Variants in ROCK2 observed in about 807,000 individuals in gnomAD.
The protein encoded by ROCK2 is rho-associated protein kinase 2.
Under a neutral mutation model 195.1 loss-of-function variants are expected in ROCK2, and 61 were observed. That is an observed-to-expected ratio of 0.31 (90% confidence interval 0.25 to 0.39). The LOEUF is 0.39. ROCK2 is among the 10% of genes least tolerant of loss of function. The pLI is 1.00. For missense variants in ROCK2, 1,109 were observed against 1,637.4 expected, an observed-to-expected ratio of 0.68 and a Z score of 5.57; for synonymous variants, 504 against 545.5, an observed-to-expected ratio of 0.92 and a Z score of 1.06.
intron 1 of ROCK2, among the ~76,000 whole-genome samples, chr2:11,290,443 AAAATGAT>A (rs1667326596): frequency 6.6e-6 from 1 of 152,136 alleles, no homozygotes; most frequent in African/African-American, 2.4e-5. Context: ...ATTTTTTTTA[AAAATGAT>A]ACTAAAACTG....
At chr2:11,287,843 C>A (rs534930943) in intron 1 of ROCK2, 107 bp from the exon 2 acceptor site, 21 of 411,382 alleles carry the variant, frequency 5.1e-5, no homozygotes, top group East Asian at 4.2e-4. Flanking sequence ...AAAATGCCAA[C>A]CCACTTTGAT....
chr2:11,306,863 C>T (rs1033944162), intron 1 of ROCK2, among the ~76,000 whole-genome samples: 1 of 152,126 alleles, frequency 6.6e-6, no homozygotes, highest in Non-Finnish European at 1.5e-5. Flanking sequence ...GTGGGAAATA[C>T]AGTATAAACA....
chr2:11,332,376 T>C (rs1297363932), intron 1 of ROCK2, among the ~76,000 whole-genome samples: 2 of 152,162 alleles, frequency 1.3e-5, no homozygotes, highest in Non-Finnish European at 1.5e-5. Flanking sequence ...TGGCCTGTGG[T>C]ATACAAAATA....
At chr2:11,209,764 C>G (rs994107234) in intron 18 of ROCK2, among the ~76,000 whole-genome samples, 2 of 152,112 alleles carry the variant, frequency 1.3e-5, no homozygotes, top group Admixed American at 6.5e-5. Context: ...TAATTATCAT[C>G]TATTATAAAG....
intron 3 of ROCK2, among the ~76,000 whole-genome samples, chr2:11,281,260 C>T (rs1013941812): frequency 6.9e-6 from 1 of 144,364 alleles, no homozygotes; most frequent in African/African-American, 2.6e-5. Context: ...AGAGGAACTT[C>T]AACTTGAATA....
intron 27 of ROCK2, among the ~76,000 whole-genome samples, chr2:11,196,026 T>C (rs1254923050): frequency 6.6e-6 from 1 of 152,208 alleles, no homozygotes; most frequent in African/African-American, 2.4e-5. Context: ...ATAGTAAAAG[T>C]AGCTATCACT....
intron 4 of ROCK2, among the ~76,000 whole-genome samples, chr2:11,249,100 G>C (rs1665736101): frequency 6.6e-6 from 1 of 152,062 alleles, no homozygotes. Flanking sequence ...GTTTCATTGT[G>C]TTAGCCACGA....
intron 3 of ROCK2, among the ~76,000 whole-genome samples, chr2:11,269,434 C>T (rs1034007066): frequency 2.0e-5 from 3 of 151,662 alleles, no homozygotes; most frequent in African/African-American, 7.3e-5. Context: ...CTCTCTTGAA[C>T]CGGGAGGTGG....
intron 4 of ROCK2, among the ~76,000 whole-genome samples, chr2:11,244,931 A>C (rs565271747): frequency 1.3e-5 from 2 of 152,238 alleles, no homozygotes; most frequent in Non-Finnish European, 2.9e-5. Flanking sequence ...CGTAATAAGA[A>C]AACCAAGAGC....
At chr2:11,231,346 T>C (rs745336027) in intron 5 of ROCK2, among the ~76,000 whole-genome samples, 1 of 152,058 alleles carries the variant, frequency 6.6e-6, no homozygotes, top group Non-Finnish European at 1.5e-5. Flanking sequence ...TAGGTGGGAC[T>C]ATAGGCCCGC....
intron 3 of ROCK2, among the ~76,000 whole-genome samples, chr2:11,257,944 AT>A (rs1450901487): frequency 2.0e-5 from 3 of 151,420 alleles, no homozygotes; most frequent in African/African-American, 7.4e-5. Flanking sequence ...TGGTACATTT[AT>A]TTATCATAAT....
At chr2:11,225,084 A>T (rs74997520) in intron 6 of ROCK2, among the ~76,000 whole-genome samples, 115 of 152,314 alleles carry the variant, frequency 7.6e-4, no homozygotes, top group African/African-American at 2.7e-3. Context: ...CATAAGAGGA[A>T]GTCAGGCCCA....
chr2:11,219,706 C>A (rs1664562474), intron 9 of ROCK2, among the ~76,000 whole-genome samples: 1 of 151,878 alleles, frequency 6.6e-6, no homozygotes, highest in Non-Finnish European at 1.5e-5. Context: ...ACAATCATAG[C>A]TCCCTGCAGC....
intron 1 of ROCK2, among the ~76,000 whole-genome samples, chr2:11,290,811 C>T (rs550327229): frequency 6.6e-6 from 1 of 152,244 alleles, no homozygotes; most frequent in East Asian, 1.9e-4. Flanking sequence ...ATCCCCACTC[C>T]TAAAATAAGA....
chr2:11,307,918 C>T (rs555784380), intron 1 of ROCK2: 46 of 1,340,882 alleles, frequency 3.4e-5, no homozygotes, highest in African/African-American at 1.2e-4. Flanking sequence ...GTGGCCGTAG[C>T]GGTCCTCCTG....
chr2:11,228,764 C>T, intron 5 of ROCK2, among the ~76,000 whole-genome samples: 1 of 152,014 alleles, frequency 6.6e-6, no homozygotes, highest in African/African-American at 2.4e-5. Flanking sequence ...TTACTGGAGA[C>T]ACACACACAG....
At chr2:11,286,754 C>T in intron 2 of ROCK2, 115 bp from the exon 3 acceptor site, 1 of 608,578 alleles carries the variant, frequency 1.6e-6, no homozygotes, top group Non-Finnish European at 2.7e-6. Flanking sequence ...CTAAACTTGC[C>T]AGTTTTTAAA....
chr2:11,300,843 C>A (rs1667679622), intron 1 of ROCK2, among the ~76,000 whole-genome samples: 1 of 151,880 alleles, frequency 6.6e-6, no homozygotes, highest in Non-Finnish European at 1.5e-5. Flanking sequence ...GTAAAATGAT[C>A]TACTAAGGTG....
chr2:11,344,617 T>G lies in ROCK2; in HGVS notation c.-481A>C. ...CTCAGCCAGCTCCCGGCGCACACAC[T>G]CCCGCGCGGCCGCCCGTCTCCGGCC... is the stretch of plus-strand genomic sequence containing the variant. On this transcript the variant is annotated 5_prime_UTR_variant, in exon 1 of 33. Transcript: ENST00000315872. The surrounding 1 kb of genome is among the most constrained non-coding windows in gnomAD (Gnocchi z 5.4). 2 of 138,682 alleles carry G rather than the reference T, an allele frequency of 1.4e-5. No homozygotes were observed. The highest frequency in any genetic ancestry group is 2.9e-5 in the Non-Finnish European group (2 of 67,928). 8.6% of individuals were successfully genotyped at this position (138,682 alleles called of 1,614,324 possible).
Sources: allele counts gnomAD v4.1 joint callset (sites outside exome capture counted in the v4.1 genomes callset), GRCh38; gene constraint gnomAD v4.1.1; non-coding constraint Gnocchi (gnomAD v3.1); transcripts MANE v1.5; gene names NCBI Gene and HGNC (gene_info 2026-07-23, HGNC 2026-07-21).